EEF1AKMT1: variants seen among roughly 807,000 people sequenced by gnomAD.
EEF1AKMT1 encodes the protein EEF1A lysine methyltransferase 1.
A neutral mutation model predicts 21.0 loss-of-function variants in EEF1AKMT1; 18 were observed. That is an observed-to-expected ratio of 0.86 (90% CI 0.59 to 1.27). EEF1AKMT1 has a LOEUF of 1.27. Ranked by LOEUF, EEF1AKMT1 falls within the 50% of genes most tolerant of loss-of-function variation. EEF1AKMT1 has a pLI of 0.00. For synonymous variants in EEF1AKMT1, 109 were observed against 94.8 expected, an observed-to-expected ratio of 1.15 and a Z score of -0.87; for missense variants, 246 against 258.6, an observed-to-expected ratio of 0.95 and a Z score of 0.33.
chr13:20,740,696 G>A (rs1334707168), intron 2 of EEF1AKMT1, among the ~76,000 whole-genome samples: 2 of 152,046 alleles, frequency 1.3e-5, no homozygotes, highest in Non-Finnish European at 1.5e-5. Flanking sequence ...CCAGCTACTC[G>A]GGAGACTGAG....
intron 2 of EEF1AKMT1, among the ~76,000 whole-genome samples, chr13:20,756,354 TG>T (rs960864337): frequency 1.3e-5 from 2 of 152,222 alleles, no homozygotes; most frequent in Non-Finnish European, 2.9e-5. Context: ...GTAATTCAGA[TG>T]ATAAAAATAT....
In EEF1AKMT1 at chr13:20,737,780, T is replaced by C. The variant is rs1312474082; in HGVS notation, c.170A>G (p.Gln57Arg). ...CTGTGCCAGCTGCAGAGCAGTTTCC[T>C]GACTATACCAAAACTGGCTCAGTTG... ...NWQLSQFWYS[Q>R]ETALQLAQEA... is the part of the protein sequence containing the mutation. The change falls in exon 3 of 5, where the codon CAG becomes CGG. Residue 57 changes from glutamine (Q) to arginine (R), a missense_variant. By Grantham distance (43) the Gln-to-Arg change is conservative. Coordinates refer to ENST00000382758, the MANE Select transcript of EEF1AKMT1 (RefSeq NM_001318939.2). 1.2e-6 allele frequency: 2 copies of C among 1,612,978 alleles called. No homozygotes were observed. The highest frequency in any genetic ancestry group is 1.7e-6 in the Non-Finnish European group (2 of 1,179,484).
chr13:20,767,463 A>C (rs1156405774), intron 1 of EEF1AKMT1, among the ~76,000 whole-genome samples: 1 of 151,930 alleles, frequency 6.6e-6, no homozygotes, highest in African/African-American at 2.4e-5. Context: ...GTGGGTATAG[A>C]ATTTGAGGTT....
intron 2 of EEF1AKMT1, among the ~76,000 whole-genome samples, chr13:20,742,794 T>A (rs1400965819): frequency 6.6e-6 from 1 of 152,212 alleles, no homozygotes; most frequent in East Asian, 1.9e-4. Context: ...TTGCAACAAG[T>A]AACAGACCCC....
At chr13:20,746,192 AC>A (rs2058903179) in intron 2 of EEF1AKMT1, among the ~76,000 whole-genome samples, 2 of 151,696 alleles carry the variant, frequency 1.3e-5, no homozygotes, top group South Asian at 4.2e-4. Flanking sequence ...CACTCTTGTC[AC>A]CCAGGCTGGA....
intron 4 of EEF1AKMT1, among the ~76,000 whole-genome samples, chr13:20,730,651 T>C (rs1339110967): frequency 6.6e-6 from 1 of 152,072 alleles, no homozygotes; most frequent in Non-Finnish European, 1.5e-5. Context: ...CTGGGTCTAG[T>C]GGGGACTTGG....
chr13:20,767,841 T>C lies in EEF1AKMT1; in HGVS notation c.-20+6080A>G, dbSNP rs141432308. 2.2e-3 allele frequency among the ~76,000 whole-genome samples: 340 copies of C among 152,368 alleles called. 1 individual carries two copies. Among genetic ancestry groups the C allele is most frequent in the African/African-American group, 7.9e-3 (327 of 41,586 alleles). The stretch of plus-strand genomic sequence containing the variant: ...TCTTCATTTTAAACTTCTTTCTCTT[T>C]GTATTTCATTTGTGATAGCTTCTAT... On this transcript the variant is annotated intron_variant, in intron 1 of 4. Transcript: ENST00000382758.
chr13:20,732,176 T>C, intron 3 of EEF1AKMT1, 55 bp from the exon 4 acceptor site: 2 of 1,535,580 alleles, frequency 1.3e-6, no homozygotes, highest in Non-Finnish European at 1.8e-6. Flanking sequence ...GATTACGGTG[T>C]TAACAACTTC....
At chr13:20,766,426 A>G (rs181244631) in intron 1 of EEF1AKMT1, among the ~76,000 whole-genome samples, 1 of 152,294 alleles carries the variant, frequency 6.6e-6, no homozygotes, top group Admixed American at 6.5e-5. Flanking sequence ...CTACAGTATA[A>G]ATATATTCAC....
At chr13:20,746,387 G>A (rs2058904693) in intron 2 of EEF1AKMT1, among the ~76,000 whole-genome samples, 1 of 152,184 alleles carries the variant, frequency 6.6e-6, no homozygotes, top group Non-Finnish European at 1.5e-5. Context: ...TCCTGACCTT[G>A]TGATCCACCT....
At chr13:20,767,193 C>G (rs1290020856) in intron 1 of EEF1AKMT1, among the ~76,000 whole-genome samples, 2 of 150,614 alleles carry the variant, frequency 1.3e-5, no homozygotes, top group Non-Finnish European at 2.9e-5. Context: ...GTAGTCCCAG[C>G]TACTCGGGAG....
At chr13:20,740,422 G>A (rs2058862855) in intron 2 of EEF1AKMT1, among the ~76,000 whole-genome samples, 1 of 152,258 alleles carries the variant, frequency 6.6e-6, no homozygotes, top group African/African-American at 2.4e-5. Context: ...TGGCCAGAGT[G>A]GGCGCTGAGG....
At chr13:20,761,741 A>G (rs1346273272) in intron 1 of EEF1AKMT1, among the ~76,000 whole-genome samples, 1 of 152,226 alleles carries the variant, frequency 6.6e-6, no homozygotes, top group Non-Finnish European at 1.5e-5. Context: ...CTTTGCAGTC[A>G]TGTAGTTGTT....
intron 2 of EEF1AKMT1, among the ~76,000 whole-genome samples, chr13:20,751,571 T>C (rs1462634963): frequency 6.6e-6 from 1 of 152,200 alleles, no homozygotes; most frequent in Non-Finnish European, 1.5e-5. Flanking sequence ...CCTTGTAACA[T>C]CATTTGAACT....
chr13:20,747,309 C>T, intron 2 of EEF1AKMT1: 1 of 256,224 alleles, frequency 3.9e-6, no homozygotes, highest in Non-Finnish European at 7.9e-6. Context: ...TAACTTTTGG[C>T]AGAAATGTCA....
At chr13:20,760,055 A>C (rs575193220) in intron 1 of EEF1AKMT1, among the ~76,000 whole-genome samples, 1 of 134,734 alleles carries the variant, frequency 7.4e-6, no homozygotes, top group African/African-American at 2.7e-5. Flanking sequence ...CAGTGAGCTG[A>C]GATTGCGCCA....
chr13:20,757,468 A>G lies in EEF1AKMT1; in HGVS notation c.131T>C (p.Ile44Thr), dbSNP rs1479592850. The change falls in exon 2 of 5, where the codon ATA becomes ACA. Residue 44 changes from isoleucine (I) to threonine (T), a missense_variant. Coordinates refer to ENST00000382758, the MANE Select transcript of EEF1AKMT1 (RefSeq NM_001318939.2). The stretch of plus-strand genomic sequence containing the variant: ...GCATTTACTTACCCAATTCTCTTCT[A>G]TTATTCCAATGTTATATTTATCATC... ...GEDDKYNIGI[I>T]EENWQLSQFW... The G allele has an allele frequency of 6.2e-7, 1 of 1,613,946 alleles. No homozygotes were observed. Among genetic ancestry groups the G allele is most frequent in the Non-Finnish European group, 8.5e-7 (1 of 1,180,002 alleles).
intron 3 of EEF1AKMT1, among the ~76,000 whole-genome samples, chr13:20,736,733 CTTTTTTT>C (rs71087090): frequency 1.1e-5 from 1 of 87,070 alleles, no homozygotes; most frequent in Non-Finnish European, 2.1e-5. Context: ...AACCATTTGA[CTTTTTTT>C]TTTTTTTTTT....
intron 3 of EEF1AKMT1, among the ~76,000 whole-genome samples, chr13:20,735,376 G>C (rs1158269022): frequency 6.6e-6 from 1 of 152,176 alleles, no homozygotes; most frequent in African/African-American, 2.4e-5. Flanking sequence ...GTCTGGATGG[G>C]GGGGATGCTT....
Sources: allele counts gnomAD v4.1 joint callset (sites outside exome capture counted in the v4.1 genomes callset), GRCh38; gene constraint gnomAD v4.1.1; transcripts MANE v1.5; gene names NCBI Gene and HGNC (gene_info 2026-07-23, HGNC 2026-07-21).